Variants in CTSV observed in about 807,000 individuals in gnomAD.
The protein encoded by CTSV is cathepsin V.
In CTSV, 33 loss-of-function variants were observed where a neutral mutation model predicts 35.6. The ratio of observed to expected loss-of-function variants is 0.93; its 90% CI spans 0.70 to 1.24. CTSV has a LOEUF of 1.24. CTSV is among the 50% of genes most tolerant of loss of function. CTSV has a pLI of 0.00. For missense variants in CTSV, 408 were observed against 413.1 expected (o/e 0.99, Z 0.11); for synonymous variants, 154 against 147.1 (o/e 1.05, Z -0.34).
intron 2 of CTSV, 33 bp from the exon 3 acceptor site, chr9:97,037,648 G>A (rs761291920): frequency 5.0e-5 from 80 of 1,610,062 alleles, no homozygotes; most frequent in Non-Finnish European, 6.6e-5. Flanking sequence ...TGGACTTTAT[G>A]TCTACTTACC....
chr9:97,035,944 G>A (rs1339265282), intron 5 of CTSV, among the ~76,000 whole-genome samples: 1 of 152,198 alleles, frequency 6.6e-6, no homozygotes, highest in African/African-American at 2.4e-5. Flanking sequence ...TCTATTATAT[G>A]TAGAATGGTT....
At chr9:97,039,159 C>T (rs926841051), upstream of CTSV, 1 of 152,402 alleles carries the variant, frequency 6.6e-6, no homozygotes, top group South Asian at 2.1e-4. Context: ...TCGCCCGCCT[C>T]GGGATTTAAG....
chr9:97,032,892 GA>G lies in CTSV; in HGVS notation c.*56del. ...ACAATAAGCGTTTGGTCAGTTTCAA[GA>G]TAAAATTTCCCCAGACATGCTGTCC... is the stretch of plus-strand genomic sequence containing the variant. On this transcript the variant is annotated 3_prime_UTR_variant, in exon 8 of 8. Transcript: ENST00000259470. 2.3e-6 allele frequency: 3 copies of G among 1,279,944 alleles called. No individual in the cohort carries two copies. The highest frequency in any genetic ancestry group is 2.2e-6 in the Non-Finnish European group (2 of 906,028). 79.3% of individuals were successfully genotyped at this position (1,279,944 alleles called of 1,614,324 possible).
At position 97,036,689 on chromosome 9, in the gene CTSV, A is replaced by C. The variant is rs748002107; in HGVS notation, c.455T>G (p.Phe152Cys). The C allele has an allele frequency of 1.2e-6, 2 of 1,614,044 alleles. No individual in the cohort carries two copies. The change falls in exon 5 of 8, where the codon TTC becomes TGC. Residue 152 changes from phenylalanine (F) to cysteine (C), a missense_variant. Phe to Cys is a radical substitution (Grantham distance 205). Transcript: ENST00000259470. ...TGAGACAAGTTTCCCAGTTTTCCGG[A>C]ACATCTGTCCTTCAAGAGCACCAGT... is the stretch of plus-strand genomic sequence containing the variant. Reference protein sequence around the residue: ...SATGALEGQMFRKTGKLVSLS... With the variant: ...SATGALEGQMCRKTGKLVSLS...
rs748705799 is a variant in CTSV at position 97,038,033 on chromosome 9, G to A, written c.11C>T (p.Ser4Leu). Residue 4 changes from serine to leucine, a missense_variant, in exon 2 of 8, where the codon TCG becomes TTG. Transcript: ENST00000259470. MNLSLVLAAFCLGI... is the reference protein window; with the variant it reads MNLLLVLAAFCLGI... ...CAAGCAAAAGGCAGCCAGGACGAGC[G>A]AAAGATTCATGTTTCAAAACCTAGA... The A allele has an allele frequency of 1.1e-5, 17 of 1,613,536 alleles. No individual in the cohort carries two copies. The highest frequency in any genetic ancestry group is 1.3e-5 in the African/African-American group (1 of 74,892).
rs1292442959 is a variant in CTSV at position 97,029,886 on chromosome 9, CTG to C, written c.*3061_*3062del. 6.6e-6 allele frequency: 1 copy of C among 152,254 alleles called. No homozygotes were observed. The highest frequency in any genetic ancestry group is 1.5e-5 in the Non-Finnish European group (1 of 68,054). 9.4% of individuals were successfully genotyped at this position (152,254 alleles called of 1,614,324 possible). ...TGTTCAGATACACGAATACTTACCA[CTG>C]TGTTACAACTGTGTACAGTACTCAG... On this transcript the variant is annotated 3_prime_UTR_variant, in exon 8 of 8. Coordinates refer to ENST00000259470, the MANE Select transcript of CTSV (RefSeq NM_001333.4).
rs962564652 is a variant in CTSV at position 97,030,981 on chromosome 9, G to C, written c.*1968C>G. 9 of 152,154 alleles carry C rather than the reference G, an allele frequency of 5.9e-5. No individual in the cohort carries two copies. Among genetic ancestry groups the C allele is most frequent in the African/African-American group, 2.2e-4 (9 of 41,510 alleles). 9.4% of individuals were successfully genotyped at this position (152,154 alleles called of 1,614,324 possible). ...AAAAACGCTTTTAGACAACACATCA[G>C]GTTTGTAACTTTTCACAAGTTTAAA... On this transcript the variant is annotated 3_prime_UTR_variant, in exon 8 of 8. Coordinates refer to ENST00000259470, the MANE Select transcript of CTSV (RefSeq NM_001333.4).
chr9:97,037,328 C>T lies in CTSV; in HGVS notation c.320G>A (p.Arg107His), dbSNP rs532349961. 9.0e-5 allele frequency: 146 copies of T among 1,614,156 alleles called. No individual in the cohort carries two copies. In the South Asian group the frequency reaches 1.2e-3, roughly 13 times the overall value. The stretch of plus-strand genomic sequence containing the variant: ...GGGAAGATCAAGAAACAGAGGCTCA[C>T]GGAACACTTTCCCCTTCCTGAATTT... ...NQKFRKGKVF[R>H]EPLFLDLPKS... is the part of the protein sequence containing the mutation. Residue 107 changes from arginine to histidine, a missense_variant, in exon 4 of 8, where the codon CGT becomes CAT. By Grantham distance (29) the Arg-to-His change is conservative. Transcript: ENST00000259470.
In CTSV at chr9:97,037,535, C is replaced by T. The variant is rs763633666; in HGVS notation, c.207G>A (p.Gly69=). 9 of 1,614,068 alleles carry T rather than the reference C, an allele frequency of 5.6e-6. No individual in the cohort carries two copies. The highest frequency in any genetic ancestry group is 3.3e-5 in the Admixed American group (2 of 60,012). The change falls in exon 3 of 8, where the codon GGG becomes GGA. Residue 69 remains glycine, a synonymous_variant. Transcript: ENST00000259470. ...TCATGGCCATTGTGAAGCCATGTTTCCCTTGGCTGTATTCCCCATTGTGCA... is the reference window on the plus strand; with the variant it reads ...TCATGGCCATTGTGAAGCCATGTTTTCCTTGGCTGTATTCCCCATTGTGCA... The part of the protein sequence containing the change: ...IELHNGEYSQ[G]KHGFTMAMNA...
chr9:97,035,598 T>C lies in CTSV; in HGVS notation c.717A>G (p.Ala239=). 1 of 1,606,276 alleles carries C rather than the reference T, an allele frequency of 6.2e-7. No individual in the cohort carries two copies. The highest frequency in any genetic ancestry group is 8.5e-7 in the Non-Finnish European group (1 of 1,175,628). Residue 239 remains alanine (A), a synonymous_variant, in exon 6 of 8, where the codon GCA becomes GCG. Transcript: ENST00000259470. ...APGKEKALMK[A]VATVGPISVA... is the part of the protein sequence containing the mutation. ...CGGAGATGGGCCCCACAGTTGCGACTGCTTTCATCAGGGCCTTCTCCTTTC... is the reference window on the plus strand; with the variant it reads ...CGGAGATGGGCCCCACAGTTGCGACCGCTTTCATCAGGGCCTTCTCCTTTC...
chr9:97,038,237 G>A (rs1828891028), intron 1 of CTSV, among the ~76,000 whole-genome samples, 184 bp from the exon 2 acceptor site: 1 of 152,184 alleles, frequency 6.6e-6, no homozygotes, highest in Non-Finnish European at 1.5e-5. Flanking sequence ...AGCCTGCAGA[G>A]TTGGAGGCGT....
intron 1 of CTSV, chr9:97,038,436 C>A (rs1828895364): frequency 1.2e-5 from 2 of 167,700 alleles, no homozygotes; most frequent in South Asian, 1.5e-4. Context: ...CAAGCGGATC[C>A]CCAAGGAACA....
intron 5 of CTSV, 49 bp from the exon 6 acceptor site, chr9:97,035,742 G>A (rs963319452): frequency 7.8e-7 from 1 of 1,274,724 alleles, no homozygotes; most frequent in Non-Finnish European, 1.0e-6. Context: ...TCTACCTCCT[G>A]GGGAACATTA....
In CTSV at chr9:97,030,565, G is replaced by GTA; in HGVS notation, c.*2383_*2384insTA. 1 of 152,048 alleles carries GTA rather than the reference G, an allele frequency of 6.6e-6. No individual in the cohort carries two copies. The highest frequency in any genetic ancestry group is 2.1e-4 in the South Asian group (1 of 4,804). The allele number at this position is 152,048 out of a possible 1,614,324, so 9.4% of individuals were successfully genotyped here. On this transcript the variant is annotated 3_prime_UTR_variant, in exon 8 of 8. Coordinates refer to ENST00000259470, the MANE Select transcript of CTSV (RefSeq NM_001333.4). ...CACAGCTTTCAGAGCTGAGAGCCCCGAACAGAGATTTACCCATGTTTATTG... is the reference window on the plus strand; with the variant it reads ...CACAGCTTTCAGAGCTGAGAGCCCCGTAAACAGAGATTTACCCATGTTTATTG...
At position 97,038,068 on chromosome 9, in the gene CTSV, GA is replaced by G. The variant is rs749902986; in HGVS notation, c.-10-16del. 1.7e-4 allele frequency: 281 copies of G among 1,611,270 alleles called. No individual in the cohort carries two copies. Among genetic ancestry groups the G allele is most frequent in the Non-Finnish European group, 2.2e-4 (264 of 1,178,086 alleles). On this transcript the variant is annotated splice_polypyrimidine_tract_variant and intron_variant, in intron 1 of 7. Coordinates refer to ENST00000259470, the MANE Select transcript of CTSV (RefSeq NM_001333.4). ...TGTTTCAAAACCTAGAAAGAGAAAAGAAATGAGTATCTGATTAGACCAATCC... is the reference window on the plus strand; with the variant it reads ...TGTTTCAAAACCTAGAAAGAGAAAAGAATGAGTATCTGATTAGACCAATCC...
intron 7 of CTSV, among the ~76,000 whole-genome samples, chr9:97,033,329 T>A (rs1029583347): frequency 4.6e-5 from 7 of 150,952 alleles, no homozygotes; most frequent in African/African-American, 1.7e-4. Context: ...ATACAAAAAT[T>A]GGCCAGGTGC....
intron 5 of CTSV, 129 bp downstream of exon 5, chr9:97,036,394 T>TA (rs1828850884): frequency 1.3e-6 from 1 of 761,304 alleles, no homozygotes; most frequent in Non-Finnish European, 2.3e-6. Context: ...ATAATGACAA[T>TA]ACTCACGGTT....
At chr9:97,035,317 G>A (rs1023667321) in intron 6 of CTSV, among the ~76,000 whole-genome samples, 5 of 152,306 alleles carry the variant, frequency 3.3e-5, no homozygotes, top group African/African-American at 1.2e-4. Context: ...GGAAAATTAG[G>A]TTGTCTCTAT....
intron 7 of CTSV, among the ~76,000 whole-genome samples, chr9:97,033,545 G>A (rs1828791812): frequency 1.3e-5 from 2 of 151,982 alleles, no homozygotes; most frequent in East Asian, 1.9e-4. Flanking sequence ...CCAGGAGGCA[G>A]AGGTTCCAGT....
Sources: gnomAD v4.1 joint callset for allele counts (sites outside exome capture counted in the v4.1 genomes callset) on GRCh38, gnomAD v4.1.1 for gene constraint, MANE v1.5 for transcripts, NCBI Gene and HGNC (gene_info 2026-07-23, HGNC 2026-07-21) for gene names.